The following ZNF804B variants were observed in gnomAD, a reference collection of about 807,000 sequenced individuals.
ZNF804B encodes the protein zinc finger protein 804B.
A neutral mutation model predicts 101.4 loss-of-function variants in ZNF804B; 80 were observed. The ratio of observed to expected loss-of-function variants is 0.79; its 90% CI spans 0.66 to 0.95. The LOEUF is 0.95. Ranked by LOEUF, ZNF804B falls within the 40% of genes least tolerant of loss-of-function variation. The pLI, the probability that ZNF804B is intolerant of heterozygous loss-of-function variation, is 0.00. For synonymous variants in ZNF804B, 622 were observed against 558.8 expected (o/e 1.11, Z -1.59); for missense variants, 1,673 against 1,561.9 (o/e 1.07, Z -1.20).
chr7:89,275,704 T>G (rs1003485481), intron 2 of ZNF804B, among the ~76,000 whole-genome samples: 1 of 152,002 alleles, frequency 6.6e-6, no homozygotes, highest in Admixed American at 6.6e-5. Context: ...CATTTCTCAT[T>G]TCCAACCATT....
intron 1 of ZNF804B, among the ~76,000 whole-genome samples, chr7:88,778,350 C>T (rs1221839859): frequency 6.6e-6 from 1 of 152,196 alleles, no homozygotes; most frequent in African/African-American, 2.4e-5. Context: ...CCAGGATACT[C>T]TTCCCATGTC....
intron 1 of ZNF804B, among the ~76,000 whole-genome samples, chr7:88,775,595 A>C (rs185815691): frequency 1.3e-5 from 2 of 152,312 alleles, no homozygotes; most frequent in East Asian, 3.9e-4. Flanking sequence ...ATAATTTATA[A>C]ACAAGAAAAT....
intron 1 of ZNF804B, among the ~76,000 whole-genome samples, chr7:88,807,228 G>T (rs541001746): frequency 1.1e-4 from 17 of 152,110 alleles, no homozygotes; most frequent in Non-Finnish European, 1.8e-4. Flanking sequence ...TTTTCTATTT[G>T]ACTTTCAAGT....
In ZNF804B at chr7:89,333,924, A is replaced by G. The variant is rs954348307; in HGVS notation, c.942A>G (p.Leu314=). The part of the protein sequence containing the change: ...QDKHDSIDET[L]EDSIGIHASF... ...AACACGACTCTATTGATGAGACACTAGAAGATTCAATTGGCATTCATGCTT... is the reference window on the plus strand; with the variant it reads ...AACACGACTCTATTGATGAGACACTGGAAGATTCAATTGGCATTCATGCTT... Residue 314 remains leucine, a synonymous_variant, in exon 4 of 4, where the codon CTA becomes CTG. Transcript: ENST00000333190. The G allele has an allele frequency of 6.2e-7, 1 of 1,613,608 alleles. No homozygotes were observed. Among genetic ancestry groups the G allele is most frequent in the Non-Finnish European group, 8.5e-7 (1 of 1,179,762 alleles).
intron 1 of ZNF804B, among the ~76,000 whole-genome samples, chr7:89,191,223 T>C (rs900690731): frequency 4.6e-5 from 7 of 152,180 alleles, no homozygotes; most frequent in African/African-American, 1.7e-4. Context: ...AAAGTATTCA[T>C]ATAAAAGACA....
chr7:89,223,830 T>C (rs977673618), intron 2 of ZNF804B, among the ~76,000 whole-genome samples: 8 of 151,956 alleles, frequency 5.3e-5, no homozygotes, highest in Non-Finnish European at 8.8e-5. Context: ...GCTCACGTTT[T>C]TGGAAACAAC....
chr7:89,219,369 T>C (rs1398132120), intron 2 of ZNF804B, among the ~76,000 whole-genome samples: 1 of 149,778 alleles, frequency 6.7e-6, no homozygotes, highest in Non-Finnish European at 1.5e-5. Context: ...TCAAAGTTGT[T>C]ATTTAATAAA....
chr7:88,846,796 GTA>G (rs748825163), intron 1 of ZNF804B, among the ~76,000 whole-genome samples: 17 of 150,058 alleles, frequency 1.1e-4, no homozygotes, highest in South Asian at 8.3e-4. Context: ...ATATATGTGT[GTA>G]TATATGTCTA....
chr7:89,238,232 A>T (rs1035818777), intron 2 of ZNF804B, among the ~76,000 whole-genome samples: 2 of 152,092 alleles, frequency 1.3e-5, no homozygotes, highest in African/African-American at 4.8e-5. Flanking sequence ...TTTGAAATGG[A>T]GAGAGGAAGA....
Position 89,216,148 on chromosome 7 carries a change from AC to A in ZNF804B, c.109-2006del, listed in dbSNP as rs760534686. 2.6e-5 allele frequency among the ~76,000 whole-genome samples: 4 copies of A among 152,044 alleles called. No individual in the cohort carries two copies. In the East Asian group the frequency reaches 7.9e-4, roughly 30 times the overall value. On this transcript the variant is annotated intron_variant, in intron 1 of 3. Coordinates refer to ENST00000333190, the MANE Select transcript of ZNF804B (RefSeq NM_181646.5). ...GTGAAACCCCGTCTCTACTAAAAAT[AC>A]AAAAAAACGTAGCTGGGCGCGGTGG...
At chr7:89,140,095 C>T (rs1239499576) in intron 1 of ZNF804B, among the ~76,000 whole-genome samples, 6 of 151,820 alleles carry the variant, frequency 4.0e-5, no homozygotes, top group Non-Finnish European at 7.4e-5. Context: ...TGTAGAGATC[C>T]ACCAGAGAAA....
intron 1 of ZNF804B, among the ~76,000 whole-genome samples, chr7:89,073,580 T>C (rs1047826073): frequency 6.6e-6 from 1 of 152,166 alleles, no homozygotes; most frequent in Non-Finnish European, 1.5e-5. Context: ...TTCTTATTTT[T>C]TAAGAACTTT....
chr7:89,278,988 G>T (rs1034070592), intron 2 of ZNF804B, among the ~76,000 whole-genome samples: 8 of 152,222 alleles, frequency 5.3e-5, no homozygotes, highest in African/African-American at 1.9e-4. Flanking sequence ...CATGAGCATG[G>T]AATGTTCTTC....
intron 1 of ZNF804B, among the ~76,000 whole-genome samples, chr7:89,170,221 T>A (rs1791203311): frequency 6.6e-6 from 1 of 152,230 alleles, no homozygotes; most frequent in African/African-American, 2.4e-5. Context: ...TCCAAAATTT[T>A]ACTATTCATT....
At chr7:89,239,008 G>T (rs1380635260) in intron 2 of ZNF804B, among the ~76,000 whole-genome samples, 1 of 152,056 alleles carries the variant, frequency 6.6e-6, no homozygotes, top group African/African-American at 2.4e-5. Context: ...GTCTTCTGGT[G>T]CCACACACCA....
chr7:89,286,838 A>G (rs1364612924), intron 2 of ZNF804B, among the ~76,000 whole-genome samples: 1 of 152,078 alleles, frequency 6.6e-6, no homozygotes, highest in South Asian at 2.1e-4. Context: ...AATATTTTTT[A>G]GAGCAATTGA....
chr7:88,922,557 C>T (rs1792734134), intron 1 of ZNF804B, among the ~76,000 whole-genome samples: 1 of 151,664 alleles, frequency 6.6e-6, no homozygotes, highest in African/African-American at 2.4e-5. Context: ...TCTTGTCAAC[C>T]CTTATACAAA....
intron 1 of ZNF804B, among the ~76,000 whole-genome samples, chr7:89,178,074 T>C (rs1223088232): frequency 4.6e-5 from 7 of 152,238 alleles, no homozygotes; most frequent in African/African-American, 1.7e-4. Flanking sequence ...TTATTTTATT[T>C]GCTATAAATA....
intron 1 of ZNF804B, among the ~76,000 whole-genome samples, chr7:89,169,621 A>C (rs1791195782): frequency 6.6e-6 from 1 of 152,156 alleles, no homozygotes; most frequent in South Asian, 2.1e-4. Context: ...CAATAGTCTA[A>C]GGTCATTGTT....
Sources: allele counts gnomAD v4.1 joint callset (sites outside exome capture counted in the v4.1 genomes callset), GRCh38; gene constraint gnomAD v4.1.1; transcripts MANE v1.5; gene names NCBI Gene and HGNC (gene_info 2026-07-23, HGNC 2026-07-21).